ZNF561: variants seen among roughly 807,000 people sequenced by gnomAD.
The protein encoded by ZNF561 is zinc finger protein 561.
A neutral mutation model predicts 16.7 loss-of-function variants in ZNF561; 16 were observed. That is an observed-to-expected ratio of 0.96 (90% CI 0.65 to 1.45). ZNF561 has a LOEUF of 1.45. ZNF561 is among the 40% of genes most tolerant of loss of function. The pLI is 0.00. For missense variants in ZNF561, 580 were observed against 578.0 expected (o/e 1.00, Z -0.04); for synonymous variants, 190 against 192.1 (o/e 0.99, Z 0.09).
At position 9,621,205 on chromosome 19, in the gene ZNF561, T is replaced by C. The variant is rs73923647; in HGVS notation, c.-170A>G. On this transcript the variant is annotated 5_prime_UTR_variant, in exon 1 of 6. Coordinates refer to ENST00000302851, the MANE Select transcript of ZNF561 (RefSeq NM_152289.3). The stretch of plus-strand genomic sequence containing the variant: ...CACCACCATAAAGGCGAAACCGCAC[T>C]GACGGAGAGGAGCCAGCGCCGGAAA... 1 of 156,024 alleles carries C rather than the reference T, an allele frequency of 6.4e-6. No homozygotes were observed. Among genetic ancestry groups the C allele is most frequent in the African/African-American group, 2.4e-5 (1 of 41,428 alleles). 9.7% of individuals were successfully genotyped at this position (156,024 alleles called of 1,614,324 possible).
At position 9,617,028 on chromosome 19, in the gene ZNF561, A is replaced by G. The variant is rs1240171062; in HGVS notation, c.241+17T>C. 1.2e-6 allele frequency: 2 copies of G among 1,600,760 alleles called. No individual in the cohort carries two copies. The highest frequency in any genetic ancestry group is 1.1e-5 in the South Asian group (1 of 89,206). On this transcript the variant is annotated intron_variant, in intron 4 of 5. Coordinates refer to ENST00000302851, the MANE Select transcript of ZNF561 (RefSeq NM_152289.3). ...AGGTGCAGGCCACCATGCCAAGCAT[A>G]GTGATGTTACTCTTACCCACAGAGG... is the stretch of plus-strand genomic sequence containing the variant.
Position 9,614,178 on chromosome 19 carries a change from T to C in ZNF561, c.242-75A>G, listed in dbSNP as rs1407604581. On this transcript the variant is annotated intron_variant, in intron 4 of 5. Coordinates refer to ENST00000302851, the MANE Select transcript of ZNF561 (RefSeq NM_152289.3). Reference sequence around the variant, plus strand: ...ATTTAAAATGAGTCATTTTTACTTGTTTTCAAATTAAACACAGCAATAAAA... The same window carrying C: ...ATTTAAAATGAGTCATTTTTACTTGCTTTCAAATTAAACACAGCAATAAAA... The C allele has an allele frequency of 2.6e-6, 4 of 1,555,440 alleles. No homozygotes were observed. The East Asian group carries it at 9.0e-5, about 35-fold the overall frequency.
At chr19:9,616,294 T>C (rs2074552438) in intron 4 of ZNF561, among the ~76,000 whole-genome samples, 1 of 152,188 alleles carries the variant, frequency 6.6e-6, no homozygotes, top group Admixed American at 6.5e-5. Context: ...TTAATGTATT[T>C]TTTTTTAGAC....
intron 5 of ZNF561, among the ~76,000 whole-genome samples, chr19:9,613,693 T>C (rs2074502212): frequency 6.6e-6 from 1 of 152,140 alleles, no homozygotes; most frequent in South Asian, 2.1e-4. Context: ...AATTTTGTAT[T>C]CTTAGTAGAG....
chr19:9,616,538 C>T (rs1700574844), intron 4 of ZNF561, among the ~76,000 whole-genome samples: 1 of 152,096 alleles, frequency 6.6e-6, no homozygotes, highest in Non-Finnish European at 1.5e-5. Context: ...GCCTCGGCCT[C>T]CCAAAGTGCT....
chr19:9,620,075 C>T (rs1468573223), intron 1 of ZNF561, among the ~76,000 whole-genome samples: 4 of 151,662 alleles, frequency 2.6e-5, no homozygotes, highest in East Asian at 1.9e-4. Flanking sequence ...ACCATAGGTG[C>T]GTATCATCAC....
chr19:9,613,021 G>A (rs1276711057), intron 5 of ZNF561, among the ~76,000 whole-genome samples: 1 of 151,006 alleles, frequency 6.6e-6, no homozygotes, highest in Non-Finnish European at 1.5e-5. Context: ...GAACTCCTAG[G>A]CTCAAGTGAT....
rs1050920761 is a variant in ZNF561, at chr19:9,621,232, G to C, written c.-197C>G. The C allele has an allele frequency of 2.6e-5, 4 of 155,448 alleles. No individual in the cohort carries two copies. In the Admixed American group the frequency reaches 2.6e-4, roughly 10 times the overall value. 9.6% of individuals were successfully genotyped at this position (155,448 alleles called of 1,614,324 possible). On this transcript the variant is annotated 5_prime_UTR_variant, in exon 1 of 6. Coordinates refer to ENST00000302851, the MANE Select transcript of ZNF561 (RefSeq NM_152289.3). ...ACGGAGAGGAGCCAGCGCCGGAAAA[G>C]ATGGCGGTGGTGCGCTGACGTCACT...
Position 9,611,135 on chromosome 19 carries a change from T to C in ZNF561, c.526A>G (p.Lys176Glu), listed in dbSNP as rs768046836. ...AGACCTGGAGTTAGAGTAAAGACTTTTCCACATGGATTAAATTTGGAAAGT... is the reference window on the plus strand; with the variant it reads ...AGACCTGGAGTTAGAGTAAAGACTTCTCCACATGGATTAAATTTGGAAAGT... ...QELSKFNPCG[K>E]VFTLTPGLAV... is the part of the protein sequence containing the mutation. The change falls in exon 6 of 6, where the codon AAA (lysine) becomes GAA (glutamate). Residue 176 changes from lysine (K) to glutamate (E), a missense_variant. By Grantham distance (56) the Lys-to-Glu change is moderately conservative. Transcript: ENST00000302851. The C allele has an allele frequency of 6.2e-7, 1 of 1,613,968 alleles. No individual in the cohort carries two copies. The highest frequency in any genetic ancestry group is 1.3e-5 in the African/African-American group (1 of 74,938).
chr19:9,610,108 T>A lies in ZNF561; in HGVS notation c.*92A>T. 1 of 1,168,342 alleles carries A rather than the reference T, an allele frequency of 8.6e-7. No individual in the cohort carries two copies. Among genetic ancestry groups the A allele is most frequent in the Non-Finnish European group, 1.2e-6 (1 of 845,034 alleles). 72.4% of individuals were successfully genotyped at this position (1,168,342 alleles called of 1,614,324 possible). ...CCCTCAGGATGGTATCTAAGGCCAA[T>A]CCATGAGTCATTACAACCTCCAAAA... On this transcript the variant is annotated 3_prime_UTR_variant, in exon 6 of 6. Transcript: ENST00000302851.
chr19:9,614,255 T>C (rs1315456001), intron 4 of ZNF561, 152 bp from the exon 5 acceptor site: 15 of 801,582 alleles, frequency 1.9e-5, no homozygotes, highest in East Asian at 1.6e-4. Context: ...TTGGCTATAA[T>C]GATGTGGGGT....
intron 1 of ZNF561, among the ~76,000 whole-genome samples, chr19:9,619,903 C>CTATCTA (rs1402288409): frequency 4.4e-3 from 25 of 5,746 alleles, no homozygotes; most frequent in South Asian, 8.3e-3. Context: ...CTATCTATAT[C>CTATCTA]TATCTATCTA....
At chr19:9,618,046 G>T (rs1018410336) in intron 3 of ZNF561, 45 bp downstream of exon 3, 4 of 1,501,066 alleles carry the variant, frequency 2.7e-6, no homozygotes, top group Non-Finnish European at 3.6e-6. Flanking sequence ...TCTACCTATT[G>T]GATGAAAGCA....
At chr19:9,613,095 A>T (rs1184343761) in intron 5 of ZNF561, among the ~76,000 whole-genome samples, 1 of 152,142 alleles carries the variant, frequency 6.6e-6, no homozygotes, top group Non-Finnish European at 1.5e-5. Flanking sequence ...CCAGTCAAAT[A>T]GTGTAGATTT....
rs886977892 is a variant in ZNF561 at position 9,609,503 on chromosome 19, C to A, written c.*697G>T. The A allele has an allele frequency of 2.0e-5, 3 of 152,162 alleles. No individual in the cohort carries two copies. The highest frequency in any genetic ancestry group is 7.2e-5 in the African/African-American group (3 of 41,430). The allele number at this position is 152,162 out of a possible 1,614,324, so 9.4% of individuals were successfully genotyped here. On this transcript the variant is annotated 3_prime_UTR_variant, in exon 6 of 6. Transcript: ENST00000302851. ...TTAGAAAACTTGTACTGAAGAGAAT[C>A]CTCAAAGTGTGGCTGAACGATCATC...
chr19:9,613,948 G>A, intron 5 of ZNF561, 73 bp downstream of exon 5: 1 of 1,569,294 alleles, frequency 6.4e-7, no homozygotes, highest in African/African-American at 1.4e-5. Context: ...CTCTGACTGA[G>A]CTGATTTTCT....
chr19:9,612,498 G>A (rs780609438), intron 5 of ZNF561, among the ~76,000 whole-genome samples: 19 of 152,044 alleles, frequency 1.2e-4, no homozygotes, highest in African/African-American at 3.9e-4. Flanking sequence ...GATTACAGGC[G>A]TGAGCCACCA....
At position 9,608,357 on chromosome 19, in the gene ZNF561, T is replaced by C. The variant is rs2074387416; in HGVS notation, c.*1843A>G. 2 of 151,978 alleles carry C rather than the reference T, an allele frequency of 1.3e-5. No individual in the cohort carries two copies. The highest frequency in any genetic ancestry group is 2.1e-4 in the South Asian group (1 of 4,820). 9.4% of individuals were successfully genotyped at this position (151,978 alleles called of 1,614,324 possible). A position where few individuals can be genotyped will look rare whatever the true frequency, so the allele number is the denominator to read the frequency against. On this transcript the variant is annotated 3_prime_UTR_variant, in exon 6 of 6. Coordinates refer to ENST00000302851, the MANE Select transcript of ZNF561 (RefSeq NM_152289.3). ...TCCTTCCTGTGAAGACATGAGGAAG[T>C]GGGCATTTACATACCAGGAAGAGAG...
intron 2 of ZNF561, among the ~76,000 whole-genome samples, chr19:9,618,511 G>A (rs2074600260): frequency 6.6e-6 from 1 of 152,054 alleles, no homozygotes; most frequent in Admixed American, 6.6e-5. Flanking sequence ...TGGATCATGA[G>A]GTCAGGAGAA....
Sources: gnomAD v4.1 joint callset for allele counts (sites outside exome capture counted in the v4.1 genomes callset) on GRCh38, gnomAD v4.1.1 for gene constraint, MANE v1.5 for transcripts, NCBI Gene and HGNC (gene_info 2026-07-23, HGNC 2026-07-21) for gene names.